Variants in IQSEC1 observed in about 807,000 individuals in gnomAD.
IQSEC1 encodes the protein IQ motif and SEC7 domain-containing protein 1.
IQSEC1 carries 31 observed loss-of-function variants against 91.0 expected under a neutral mutation model. That is an observed-to-expected ratio of 0.34 (90% CI 0.26 to 0.46). IQSEC1 has a LOEUF of 0.46. Among genes scored for constraint, IQSEC1 ranks in the 20% least tolerant of loss-of-function variants. IQSEC1 has a pLI of 1.00. For synonymous variants in IQSEC1, 699 were observed against 662.6 expected (o/e 1.05, Z -0.84); for missense variants, 1,388 against 1,575.6 (o/e 0.88, Z 2.02).
chr3:13,083,842 C>G (rs1310459381), intron 2 of IQSEC1, among the ~76,000 whole-genome samples: 1 of 152,274 alleles, frequency 6.6e-6, no homozygotes, highest in African/African-American at 2.4e-5. Context: ...TTGTGCGCAG[C>G]CTGGCATGGA....
At chr3:13,041,827 A>T (rs1359580057) in intron 1 of IQSEC1, among the ~76,000 whole-genome samples, 2 of 152,216 alleles carry the variant, frequency 1.3e-5, no homozygotes, top group East Asian at 3.9e-4. Context: ...AAAGGGACTG[A>T]ACTTCGGGCT....
At chr3:13,101,285 T>G (rs1191709172) in intron 2 of IQSEC1, among the ~76,000 whole-genome samples, 1 of 151,910 alleles carries the variant, frequency 6.6e-6, no homozygotes, top group Non-Finnish European at 1.5e-5. Flanking sequence ...ATTGAGACCA[T>G]CCTGGCTAAC....
At chr3:13,160,057 C>T (rs529531022) in intron 2 of IQSEC1, among the ~76,000 whole-genome samples, 1 of 152,002 alleles carries the variant, frequency 6.6e-6, no homozygotes, top group South Asian at 2.1e-4. Context: ...GCAAAATGGT[C>T]AAAAAATGAG....
At chr3:13,000,948 CTTTTTTT>C (rs10553726) in intron 1 of IQSEC1, among the ~76,000 whole-genome samples, 5 of 121,928 alleles carry the variant, frequency 4.1e-5, no homozygotes, top group Non-Finnish European at 6.8e-5. Flanking sequence ...CCAAGTGAGT[CTTTTTTT>C]TTTTTTTTTT....
At chr3:12,959,478 T>C (rs1224256894) in intron 1 of IQSEC1, among the ~76,000 whole-genome samples, 3 of 152,164 alleles carry the variant, frequency 2.0e-5, no homozygotes, top group African/African-American at 7.2e-5. Context: ...GAAGGCCCTG[T>C]CTGATGGAGG....
intron 1 of IQSEC1, among the ~76,000 whole-genome samples, chr3:13,225,602 A>G (rs1314876147): frequency 6.6e-6 from 1 of 152,252 alleles, no homozygotes; most frequent in East Asian, 1.9e-4. Context: ...TGTGCTAGAC[A>G]CAGGCTGGGA....
At chr3:13,225,650 G>A (rs1218365379) in intron 1 of IQSEC1, among the ~76,000 whole-genome samples, 2 of 152,182 alleles carry the variant, frequency 1.3e-5, no homozygotes, top group Non-Finnish European at 2.9e-5. Context: ...CTGCCATGAA[G>A]AAACTCAAGG....
chr3:12,944,670 T>C (rs182577084), intron 1 of IQSEC1, among the ~76,000 whole-genome samples: 237 of 152,350 alleles, frequency 1.6e-3, no homozygotes, highest in Non-Finnish European at 3.0e-3. Context: ...GAACAACGGC[T>C]GGTCCTTAAA....
intron 1 of IQSEC1, among the ~76,000 whole-genome samples, chr3:13,016,166 A>G (rs74347073): frequency 0.047 from 7,134 of 152,260 alleles, 248 homozygotes; most frequent in Non-Finnish European, 0.072. Context: ...CATCCCCCAC[A>G]GGGGTGCCAT....
At chr3:12,963,226 T>G (rs1700352156) in intron 1 of IQSEC1, among the ~76,000 whole-genome samples, 1 of 152,256 alleles carries the variant, frequency 6.6e-6, no homozygotes, top group Admixed American at 6.5e-5. Flanking sequence ...ATCGGGACCT[T>G]AAGTTCAAAT....
chr3:13,189,050 C>T (rs147415741), intron 1 of IQSEC1, among the ~76,000 whole-genome samples: 178 of 152,362 alleles, frequency 1.2e-3, no homozygotes, highest in African/African-American at 3.4e-3. Context: ...ACCTGTGTCC[C>T]AAATCTTTCC....
At chr3:13,180,571 G>A (rs554894551) in intron 1 of IQSEC1, among the ~76,000 whole-genome samples, 1 of 151,856 alleles carries the variant, frequency 6.6e-6, no homozygotes, top group African/African-American at 2.4e-5. Flanking sequence ...AACCCGCTGG[G>A]GTCCCCTTCC....
intron 1 of IQSEC1, among the ~76,000 whole-genome samples, chr3:13,071,694 C>T (rs1482511632): frequency 2.6e-5 from 4 of 152,172 alleles, no homozygotes; most frequent in Admixed American, 6.5e-5. Flanking sequence ...AGCATCACAG[C>T]GAACCAGAGG....
At chr3:13,227,393 A>AAAAAAAAAAAAAAAAAAAAAAAG (rs1055638536) in intron 1 of IQSEC1, among the ~76,000 whole-genome samples, 1 of 140,812 alleles carries the variant, frequency 7.1e-6, no homozygotes, top group African/African-American at 3.0e-5. Context: ...AAAAAAAAAA[A>AAAAAAAAAAAAAAAAAAAAAAAG]AAAGAAAGAA....
At chr3:13,240,758 C>A (rs558354257) in intron 1 of IQSEC1, among the ~76,000 whole-genome samples, 1 of 152,294 alleles carries the variant, frequency 6.6e-6, no homozygotes, top group Admixed American at 6.5e-5. Context: ...ATCTGGGCTC[C>A]ATGAAAGACC....
In IQSEC1 at chr3:13,266,936, CT is replaced by C. The variant is rs1695501881; in HGVS notation, c.272+15774del. 2.0e-5 allele frequency among the ~76,000 whole-genome samples: 3 copies of C among 152,170 alleles called. 1 individual carries two copies. The highest frequency in any genetic ancestry group is 4.2e-4 in the South Asian group (2 of 4,804). On this transcript the variant is annotated intron_variant, in intron 1 of 15. Transcript: ENST00000648114. ...AACGCCCTGGGCCCCCGCTGCACCC[CT>C]GACCCCTGGCTGCACCCCTAACCCC...
Position 13,208,836 on chromosome 3 carries a change from C to A in IQSEC1, c.273-44703G>T, listed in dbSNP as rs1694389931. ...GGAGGATGAGCTCGCAGCATGCACC[C>A]CTGCGTGCTCACTGCCCTGCCGTGG... On this transcript the variant is annotated intron_variant, in intron 1 of 15. Coordinates refer to the IQSEC1 transcript ENST00000648114. Among the ~76,000 whole-genome samples the A allele has an allele frequency of 3.3e-5, 5 of 152,266 alleles. No homozygotes were observed. In the South Asian group the frequency reaches 1.0e-3, roughly 31 times the overall value.
chr3:12,918,888 G>A (rs1350989960), intron 6 of IQSEC1, among the ~76,000 whole-genome samples: 2 of 151,942 alleles, frequency 1.3e-5, no homozygotes, highest in Admixed American at 6.6e-5. Flanking sequence ...CTGCCAGAGG[G>A]ACCTCTAAAT....
At chr3:13,255,791 C>A (rs1272489235) in intron 1 of IQSEC1, among the ~76,000 whole-genome samples, 1 of 152,144 alleles carries the variant, frequency 6.6e-6, no homozygotes, top group Non-Finnish European at 1.5e-5. Context: ...ACTCAGCCGG[C>A]CTTACAGTGT....
Sources: gnomAD v4.1 joint callset for allele counts (sites outside exome capture counted in the v4.1 genomes callset) on GRCh38, gnomAD v4.1.1 for gene constraint, MANE v1.5 for transcripts, NCBI Gene and HGNC (gene_info 2026-07-23, HGNC 2026-07-21) for gene names.